MICAL3: variants seen among roughly 807,000 people sequenced by gnomAD.
MICAL3 encodes the protein microtubule associated monooxygenase, calponin and LIM domain containing 3.
Under a neutral mutation model 207.4 loss-of-function variants are expected in MICAL3, and 62 were observed. The ratio of observed to expected loss-of-function variants is 0.30; its 90% CI spans 0.24 to 0.37. MICAL3 has a LOEUF of 0.37. MICAL3 is among the 10% of genes least tolerant of loss of function. The pLI, the probability that MICAL3 is intolerant of heterozygous loss-of-function variation, is 1.00. For missense variants in MICAL3, 2,368 were observed against 2,635.6 expected (o/e 0.90, Z 2.22); for synonymous variants, 1,077 against 1,069.3 (o/e 1.01, Z -0.14).
intron 28 of MICAL3, among the ~76,000 whole-genome samples, 153 bp downstream of exon 28, chr22:17,810,550 C>T (rs8135229): frequency 0.14 from 21,097 of 152,176 alleles, 2,269 homozygotes; most frequent in African/African-American, 0.3. Context: ...TCTGTGGCTG[C>T]ACCAGCCAAA....
At chr22:17,870,361 C>T (rs768682557) in intron 17 of MICAL3, among the ~76,000 whole-genome samples, 5 of 152,150 alleles carry the variant, frequency 3.3e-5, no homozygotes, top group South Asian at 4.1e-4. Context: ...TTCTACAAAG[C>T]GACAACCTAG....
At chr22:17,991,351 A>G (rs1447617270) in intron 1 of MICAL3, among the ~76,000 whole-genome samples, 3 of 152,284 alleles carry the variant, frequency 2.0e-5, no homozygotes, top group Non-Finnish European at 4.4e-5. Context: ...TATTGTCTAT[A>G]GCAAGGTAAA....
chr22:18,014,066 G>A (rs1002306734), intron 1 of MICAL3, among the ~76,000 whole-genome samples: 1 of 151,470 alleles, frequency 6.6e-6, no homozygotes, highest in African/African-American at 2.4e-5. Flanking sequence ...CAAAGTTCTG[G>A]GATTATAGTC....
chr22:17,814,435 A>T (rs1244997985), intron 27 of MICAL3: 1 of 152,188 alleles, frequency 6.6e-6, no homozygotes, highest in African/African-American at 2.4e-5. Flanking sequence ...TCCTACATAA[A>T]AGTACATTAA....
intron 17 of MICAL3, among the ~76,000 whole-genome samples, chr22:17,867,529 C>T (rs770723256): frequency 1.2e-4 from 18 of 152,238 alleles, no homozygotes; most frequent in Admixed American, 3.3e-4. Flanking sequence ...AGAAATACCC[C>T]TCCTTCCTCC....
intron 1 of MICAL3, among the ~76,000 whole-genome samples, chr22:17,941,984 C>T (rs771474039): frequency 1.2e-4 from 18 of 152,222 alleles, no homozygotes; most frequent in Admixed American, 2.0e-4. Context: ...CTTACCTGCA[C>T]GTCAACCACC....
intron 30 of MICAL3, 44 bp downstream of exon 30, chr22:17,791,158 T>C (rs1354650845): frequency 1.2e-6 from 2 of 1,608,210 alleles, no homozygotes; most frequent in Non-Finnish European, 1.7e-6. Flanking sequence ...CCATGCCGGC[T>C]GTGACAAGCA....
At chr22:17,967,486 A>ACACACACC (rs1556491354) in intron 1 of MICAL3, among the ~76,000 whole-genome samples, 23,524 of 145,486 alleles carry the variant, frequency 0.16, 2,202 homozygotes, top group East Asian at 0.27. Context: ...ACACACACAC[A>ACACACACC]CACACACCCA....
chr22:17,930,823 C>T (rs1043125718), intron 1 of MICAL3, among the ~76,000 whole-genome samples: 9 of 152,242 alleles, frequency 5.9e-5, no homozygotes, highest in Admixed American at 3.3e-4. Flanking sequence ...GGCAGAGACA[C>T]GGGCACCTGG....
chr22:17,901,873 A>G lies in MICAL3; in HGVS notation c.691+5T>C. ...TGAGCCAGGCAGAGGAGCACAGACCAATACCTTCCAAGGTGTTCCTCCGAC... is the reference window on the plus strand; with the variant it reads ...TGAGCCAGGCAGAGGAGCACAGACCGATACCTTCCAAGGTGTTCCTCCGAC... On this transcript the variant is annotated splice_donor_5th_base_variant and intron_variant, in intron 5 of 31. Transcript: ENST00000441493. 6.2e-7 allele frequency: 1 copy of G among 1,609,636 alleles called. No homozygotes were observed. The highest frequency in any genetic ancestry group is 8.5e-7 in the Non-Finnish European group (1 of 1,176,208).
chr22:17,922,245 T>C (rs1272240888), intron 1 of MICAL3, among the ~76,000 whole-genome samples: 1 of 152,156 alleles, frequency 6.6e-6, no homozygotes, highest in African/African-American at 2.4e-5. Flanking sequence ...GGTAGAGGAA[T>C]TCACGTTCAT....
intron 11 of MICAL3, 62 bp from the exon 12 acceptor site, chr22:17,891,694 CCT>C: frequency 1.3e-6 from 2 of 1,527,026 alleles, no homozygotes; most frequent in Non-Finnish European, 1.8e-6. Context: ...GACAGAGAAT[CCT>C]CTTTGTAGGA....
At chr22:17,964,053 T>C (rs541665247) in intron 1 of MICAL3, among the ~76,000 whole-genome samples, 40 of 152,360 alleles carry the variant, frequency 2.6e-4, no homozygotes, top group Non-Finnish European at 5.1e-4. Context: ...GACTTCCTTC[T>C]GGGCCTTCCC....
At position 17,872,009 on chromosome 22, in the gene MICAL3, C is replaced by G. The variant is rs777185116; in HGVS notation, c.2256G>C (p.Lys752Asn). 3.1e-4 allele frequency: 494 copies of G among 1,604,858 alleles called. No individual in the cohort carries two copies. The highest frequency in any genetic ancestry group is 3.7e-4 in the Non-Finnish European group (435 of 1,176,124). ...IGIRRQGSMK[K>N]EFPQNLGGSD... ...TGCCTCCCAGGTTCTGCGGGAACTC[C>G]TTCTTCATGGAGCCCTGCAGGAGGT... Residue 752 changes from lysine (K) to asparagine (N), a missense_variant, in exon 17 of 32, where the codon AAG (lysine) becomes AAC (asparagine). This residue lies in a region of MICAL3 where 1,770 missense variants were observed against 1,863.2 expected (regional missense o/e 0.95). Transcript: ENST00000441493.
At chr22:17,901,851 G>C in intron 5 of MICAL3, 27 bp downstream of exon 5, 2 of 1,557,338 alleles carry the variant, frequency 1.3e-6, no homozygotes, top group Non-Finnish European at 1.8e-6. Context: ...TCTGCTATGA[G>C]CCAGGCAGAG....
intron 1 of MICAL3, among the ~76,000 whole-genome samples, chr22:17,918,434 A>G (rs1180513108): frequency 6.6e-6 from 1 of 152,232 alleles, no homozygotes; most frequent in African/African-American, 2.4e-5. Flanking sequence ...TTCAGTGAGA[A>G]GAGTGACAGT....
At chr22:17,935,399 C>A (rs9680696) in intron 1 of MICAL3, among the ~76,000 whole-genome samples, 1 of 152,072 alleles carries the variant, frequency 6.6e-6, no homozygotes, top group Non-Finnish European at 1.5e-5. Flanking sequence ...AAACTAGATC[C>A]CTTCCTTACA....
At chr22:17,936,926 T>C (rs1216849775) in intron 1 of MICAL3, among the ~76,000 whole-genome samples, 1 of 152,200 alleles carries the variant, frequency 6.6e-6, no homozygotes, top group East Asian at 1.9e-4. Flanking sequence ...GTCTCCTCTC[T>C]GATGCCACCT....
Position 17,945,679 on chromosome 22 carries a change from C to T in MICAL3, c.-74-38793G>A, listed in dbSNP as rs768901823. 3.3e-5 allele frequency among the ~76,000 whole-genome samples: 5 copies of T among 152,148 alleles called. No homozygotes were observed. The South Asian group carries it at 6.2e-4, about 19-fold the overall frequency. On this transcript the variant is annotated intron_variant, in intron 1 of 31. Transcript: ENST00000441493. ...GGCCCCTCTCCACACAGCCCCCATA[C>T]GCCCCAATTCCACCAGGCACCTCCC...
Sources: gnomAD v4.1 joint callset for allele counts (sites outside exome capture counted in the v4.1 genomes callset) on GRCh38, gnomAD v4.1.1 for gene constraint, gnomAD v4.1.1 regional missense constraint, MANE v1.5 for transcripts, NCBI Gene and HGNC (gene_info 2026-07-23, HGNC 2026-07-21) for gene names.